Variants in AKIRIN2 observed in about 807,000 individuals in gnomAD.
AKIRIN2 encodes akirin 2.
In AKIRIN2, 6 loss-of-function variants were observed where a neutral mutation model predicts 29.3. The observed-to-expected ratio is 0.20, with a 90% CI of 0.11 to 0.40. The LOEUF (loss-of-function observed/expected upper bound fraction) is 0.40. Ranked by LOEUF, AKIRIN2 falls within the 10% of genes least tolerant of loss-of-function variation. The pLI is 1.00. For synonymous variants in AKIRIN2, 128 were observed against 117.5 expected, an observed-to-expected ratio of 1.09 and a Z score of -0.58; for missense variants, 210 against 276.1, an observed-to-expected ratio of 0.76 and a Z score of 1.70.
rs1421146077 is a variant in AKIRIN2 at position 87,701,168 on chromosome 6, T to C, written c.235+282A>G. On this transcript the variant is annotated intron_variant, in intron 1 of 4. Coordinates refer to ENST00000257787, the MANE Select transcript of AKIRIN2 (RefSeq NM_018064.4). ...GCGACTACGGAAACAATTCCAATCA[T>C]TCGGCCCAAAGAAAAAGATGTCCCT... is the stretch of plus-strand genomic sequence containing the variant. Among the ~76,000 whole-genome samples, 4 of 152,054 alleles carry C rather than the reference T, an allele frequency of 2.6e-5. No homozygotes were observed. The East Asian group carries it at 7.7e-4, about 29-fold the overall frequency.
intron 2 of AKIRIN2, among the ~76,000 whole-genome samples, chr6:87,679,785 A>C (rs1945490309): frequency 6.6e-6 from 1 of 152,232 alleles, no homozygotes; most frequent in South Asian, 2.1e-4. Flanking sequence ...ATTTTTAATA[A>C]AAGAGAAAAT....
At chr6:87,681,585 T>A in intron 2 of AKIRIN2, 35 bp downstream of exon 2, 2 of 1,585,520 alleles carry the variant, frequency 1.3e-6, no homozygotes, top group Non-Finnish European at 1.7e-6. Context: ...CCACTCTAAA[T>A]AATAAACTTT....
Position 87,701,955 on chromosome 6 carries a change from C to CTTTTTTAATGATA in AKIRIN2, c.-272_-271insTATCATTAAAAAA. The CTTTTTTAATGATA allele has an allele frequency of 5.0e-6, 2 of 402,956 alleles. No individual in the cohort carries two copies. Among genetic ancestry groups the CTTTTTTAATGATA allele is most frequent in the South Asian group, 1.1e-4 (1 of 9,486 alleles). The allele number at this position is 402,956 out of a possible 1,614,324, so 25.0% of individuals were successfully genotyped here. ...CGCCAGTCGCGTCAGGGGGGTTCTT[C>CTTTTTTAATGATA]CGCCTCCTCAGGCGCGGCTCCCCCG... On this transcript the variant is annotated 5_prime_UTR_variant, in exon 1 of 5. Transcript: ENST00000257787.
chr6:87,689,586 T>C (rs1177832687), intron 1 of AKIRIN2, among the ~76,000 whole-genome samples: 3 of 152,158 alleles, frequency 2.0e-5, no homozygotes, highest in Non-Finnish European at 2.9e-5. Context: ...TTGTGGCCAT[T>C]TAAAAACTGG....
In AKIRIN2 at chr6:87,702,063, T is replaced by C. The variant is rs1048246945; in HGVS notation, c.-379A>G. On this transcript the variant is annotated 5_prime_UTR_variant, in exon 1 of 5. Coordinates refer to ENST00000257787, the MANE Select transcript of AKIRIN2 (RefSeq NM_018064.4). The stretch of plus-strand genomic sequence containing the variant: ...TTCTGTGCTGAGACTAGATCCTTTC[T>C]GAAGTCGAAAACAGCACCGTGGGGT... 1 of 399,618 alleles carries C rather than the reference T, an allele frequency of 2.5e-6. No homozygotes were observed. Among genetic ancestry groups the C allele is most frequent in the South Asian group, 1.2e-4 (1 of 8,388 alleles). 24.8% of individuals were successfully genotyped at this position (399,618 alleles called of 1,614,324 possible).
intron 1 of AKIRIN2, among the ~76,000 whole-genome samples, chr6:87,684,880 T>C (rs1771164940): frequency 1.3e-5 from 2 of 152,190 alleles, no homozygotes; most frequent in Non-Finnish European, 2.9e-5. Flanking sequence ...TACCTAGGAG[T>C]GGGAATGGGC....
intron 4 of AKIRIN2, 26 bp downstream of exon 4, chr6:87,675,834 T>A (rs1770962956): frequency 6.2e-7 from 1 of 1,600,758 alleles, no homozygotes. Context: ...ATTTTCAGTT[T>A]ATAACTTCAA....
At chr6:87,684,142 T>G (rs1771154906) in intron 1 of AKIRIN2, among the ~76,000 whole-genome samples, 1 of 152,172 alleles carries the variant, frequency 6.6e-6, no homozygotes, top group African/African-American at 2.4e-5. Context: ...ATACGTTCTT[T>G]TATCACCACA....
intron 1 of AKIRIN2, among the ~76,000 whole-genome samples, chr6:87,689,023 C>A (rs1771235647): frequency 6.6e-6 from 1 of 152,162 alleles, no homozygotes; most frequent in Admixed American, 6.5e-5. Flanking sequence ...AGTTGTTCCT[C>A]CTCCTGCAGG....
At chr6:87,680,663 ATTTTC>A (rs1771105053) in intron 2 of AKIRIN2, among the ~76,000 whole-genome samples, 1 of 151,260 alleles carries the variant, frequency 6.6e-6, no homozygotes, top group South Asian at 2.1e-4. Flanking sequence ...AAGAAAAGCT[ATTTTC>A]CTGAGAACTT....
At chr6:87,687,420 CAA>C (rs1248478353) in intron 1 of AKIRIN2, among the ~76,000 whole-genome samples, 1 of 90,200 alleles carries the variant, frequency 1.1e-5, no homozygotes, top group African/African-American at 5.1e-5. Flanking sequence ...GCCTGGGCAA[CAA>C]GAGCAAAATT....
At chr6:87,695,940 G>A (rs888547390) in intron 1 of AKIRIN2, among the ~76,000 whole-genome samples, 2 of 152,168 alleles carry the variant, frequency 1.3e-5, no homozygotes, top group Non-Finnish European at 2.9e-5. Context: ...CACTTTGGGA[G>A]GCTGAAGCGG....
At chr6:87,683,745 C>T (rs1431685830) in intron 1 of AKIRIN2, among the ~76,000 whole-genome samples, 1 of 152,120 alleles carries the variant, frequency 6.6e-6, no homozygotes, top group Non-Finnish European at 1.5e-5. Flanking sequence ...CCTCCATCTC[C>T]CAGGTTCAAG....
At chr6:87,693,498 G>A (rs182515151) in intron 1 of AKIRIN2, among the ~76,000 whole-genome samples, 11 of 152,296 alleles carry the variant, frequency 7.2e-5, no homozygotes, top group African/African-American at 2.4e-4. Context: ...GGCAGGCCCA[G>A]ACGGGCGGAT....
intron 2 of AKIRIN2, 80 bp downstream of exon 2, chr6:87,681,540 T>C: frequency 7.1e-7 from 1 of 1,411,868 alleles, no homozygotes. Context: ...ATACAGTAGC[T>C]TAAATGACTA....
At position 87,676,828 on chromosome 6, in the gene AKIRIN2, G is replaced by A. The variant is rs1305370002; in HGVS notation, c.530-897C>T. ...ATGGTGGCTTACGCCTGTAATCCCA[G>A]CACTTTGAGAGGCCAAGGCGGGCAG... is the stretch of plus-strand genomic sequence containing the variant. On this transcript the variant is annotated intron_variant, in intron 3 of 4. Coordinates refer to ENST00000257787, the MANE Select transcript of AKIRIN2 (RefSeq NM_018064.4). Among the ~76,000 whole-genome samples, 12 of 151,520 alleles carry A rather than the reference G, an allele frequency of 7.9e-5. 1 individual carries two copies. Among genetic ancestry groups the A allele is most frequent in the African/African-American group, 2.9e-4 (12 of 41,164 alleles).
chr6:87,684,731 C>A (rs1771163505), intron 1 of AKIRIN2, among the ~76,000 whole-genome samples: 2 of 152,130 alleles, frequency 1.3e-5, no homozygotes, highest in Non-Finnish European at 2.9e-5. Context: ...GGTGAGTATT[C>A]CATCATATGT....
chr6:87,683,987 T>C (rs2250795), intron 1 of AKIRIN2, among the ~76,000 whole-genome samples: 48,042 of 152,044 alleles, frequency 0.32, 9,105 homozygotes, highest in African/African-American at 0.54. Context: ...GCTTCACTCA[T>C]ATTCATCACT....
chr6:87,675,573 G>A lies in AKIRIN2; in HGVS notation c.*24C>T. The A allele has an allele frequency of 6.2e-7, 1 of 1,613,918 alleles. No homozygotes were observed. Among genetic ancestry groups the A allele is most frequent in the South Asian group, 1.1e-5 (1 of 91,066 alleles). On this transcript the variant is annotated 3_prime_UTR_variant, in exon 5 of 5. Coordinates refer to ENST00000257787, the MANE Select transcript of AKIRIN2 (RefSeq NM_018064.4). ...CAACAACTCAACAAGGAACAAGGCA[G>A]CCCACAAATGCAGGATACGTGATTC...
Sources: gnomAD v4.1 joint callset for allele counts (sites outside exome capture counted in the v4.1 genomes callset) on GRCh38, gnomAD v4.1.1 for gene constraint, MANE v1.5 for transcripts, NCBI Gene and HGNC (gene_info 2026-07-23, HGNC 2026-07-21) for gene names.